Variants in NLGN4Y observed in about 807,000 individuals in gnomAD.
NLGN4Y encodes the protein neuroligin-4, Y-linked.
A neutral mutation model predicts 8.4 loss-of-function variants in NLGN4Y; 4 were observed. The observed-to-expected ratio is 0.48, with a 90% CI of 0.23 to 1.09. The LOEUF (loss-of-function observed/expected upper bound fraction) is 1.09. NLGN4Y is among the 50% of genes least tolerant of loss of function. NLGN4Y has a pLI of 0.19. For missense variants in NLGN4Y, 90 were observed against 192.3 expected, an observed-to-expected ratio of 0.47 and a Z score of 3.15; for synonymous variants, 35 against 75.6, an observed-to-expected ratio of 0.46 and a Z score of 2.78.
chrY:14,673,669 C>T, intron 2 of NLGN4Y, among the ~76,000 whole-genome samples: 1 of 33,346 alleles, frequency 3.0e-5, no homozygotes, highest in Non-Finnish European at 7.4e-5. Flanking sequence ...CCCAGCCATC[C>T]CATTACTGGG....
At chrY:14,660,993 T>C (rs1603502266) in intron 2 of NLGN4Y, among the ~76,000 whole-genome samples, 2 of 33,630 alleles carry the variant, frequency 5.9e-5, no homozygotes, top group East Asian at 1.6e-3. Context: ...CCTTGTTTAT[T>C]GCAAATATCA....
In NLGN4Y at chrY:14,844,876, G is replaced by A; in HGVS notation, c.*3614G>A. On this transcript the variant is annotated 3_prime_UTR_variant, in exon 7 of 7. Transcript: ENST00000684976. ...TGTATAGAGTCACAGACTGCATAAT[G>A]TTTTGGACAAATATAGATCACATAT... The A allele has an allele frequency of 5.9e-5, 2 of 33,763 alleles. No homozygotes were observed. The highest frequency in any genetic ancestry group is 2.3e-4 in the African/African-American group (2 of 8,753). The allele number at this position is 33,763 out of a possible 400,897, so 8.4% of individuals were successfully genotyped here.
chrY:14,742,985 G>A (rs1020245516), intron 4 of NLGN4Y, among the ~76,000 whole-genome samples: 2 of 32,264 alleles, frequency 6.2e-5, no homozygotes, highest in Non-Finnish European at 7.5e-5. Flanking sequence ...CCCAAAAAAA[G>A]TAGAAACTAA....
intron 1 of NLGN4Y, among the ~76,000 whole-genome samples, chrY:14,540,554 C>T (rs751034699): frequency 1.5e-4 from 5 of 33,477 alleles, no homozygotes; most frequent in East Asian, 1.6e-3. Context: ...CGGGGGCCAA[C>T]GGACACCTCA....
chrY:14,582,890 G>A, intron 1 of NLGN4Y, among the ~76,000 whole-genome samples: 3 of 34,003 alleles, frequency 8.8e-5, no homozygotes, highest in Non-Finnish European at 1.5e-4. Flanking sequence ...AGTCTATGAC[G>A]CTTTAGTATT....
chrY:14,546,846 T>C (rs1051850784), intron 1 of NLGN4Y, among the ~76,000 whole-genome samples: 1 of 33,489 alleles, frequency 3.0e-5, no homozygotes, highest in Admixed American at 2.7e-4. Context: ...GGCATCCCAG[T>C]CTTGTGCCAG....
chrY:14,621,697 G>A lies in NLGN4Y; in HGVS notation c.-111-312G>A, dbSNP rs369827200. Among the ~76,000 whole-genome samples the A allele has an allele frequency of 4.9e-3, 163 of 33,148 alleles. No homozygotes were observed. In the South Asian group the frequency reaches 0.076, roughly 15 times the overall value. The allele number at this position is 33,148 out of a possible 37,273, so 88.9% of individuals were successfully genotyped here. A position where few individuals can be genotyped will look rare whatever the true frequency, so the allele number is the denominator to read the frequency against. On this transcript the variant is annotated intron_variant, in intron 1 of 6. Transcript: ENST00000684976. ...ATACTGGTGCATGCTTGTAGTCCCAGCTACTCGGGAGGCTGAGGTGGGAGG... is the reference window on the plus strand; with the variant it reads ...ATACTGGTGCATGCTTGTAGTCCCAACTACTCGGGAGGCTGAGGTGGGAGG...
At chrY:14,642,901 T>C in intron 2 of NLGN4Y, among the ~76,000 whole-genome samples, 1 of 33,663 alleles carries the variant, frequency 3.0e-5, no homozygotes, top group African/African-American at 1.2e-4. Context: ...GTACATTTAA[T>C]TTAGAAAATA....
chrY:14,837,235 T>C (rs1431741816), intron 6 of NLGN4Y, among the ~76,000 whole-genome samples: 4 of 33,754 alleles, frequency 1.2e-4, no homozygotes, highest in Admixed American at 2.7e-4. Flanking sequence ...ACTGAATGTA[T>C]AATAAACTAG....
At chrY:14,715,175 G>T (rs2080911580) in intron 2 of NLGN4Y, among the ~76,000 whole-genome samples, 1 of 33,481 alleles carries the variant, frequency 3.0e-5, no homozygotes, top group African/African-American at 1.2e-4. Context: ...TACACTGTTG[G>T]TGGGAGTGTA....
chrY:14,761,450 TG>T (rs2081079143), intron 4 of NLGN4Y, among the ~76,000 whole-genome samples: 1 of 33,869 alleles, frequency 3.0e-5, no homozygotes, highest in East Asian at 7.9e-4. Context: ...TTCCTAGAGT[TG>T]GGTCTCCAAA....
intron 1 of NLGN4Y, among the ~76,000 whole-genome samples, chrY:14,562,483 A>G (rs1048846422): frequency 6.0e-5 from 2 of 33,393 alleles, no homozygotes; most frequent in Non-Finnish European, 7.4e-5. Context: ...GTCAGTTAGC[A>G]TGATGCCTCT....
chrY:14,821,055 AG>A (rs2043120619), intron 4 of NLGN4Y, among the ~76,000 whole-genome samples: 2 of 33,876 alleles, frequency 5.9e-5, no homozygotes, highest in South Asian at 6.8e-4. Flanking sequence ...ACTGGTCAAC[AG>A]GTGCCTGGTA....
chrY:14,526,078 A>G, intron 1 of NLGN4Y, among the ~76,000 whole-genome samples: 5 of 33,755 alleles, frequency 1.5e-4, no homozygotes, highest in Admixed American at 8.0e-4. Context: ...AGAAACTACA[A>G]GAGACCTGAT....
At chrY:14,711,319 T>A in intron 2 of NLGN4Y, among the ~76,000 whole-genome samples, 1 of 32,550 alleles carries the variant, frequency 3.1e-5, no homozygotes. Flanking sequence ...ATCATTATAT[T>A]TTTTTTTCTT....
intron 1 of NLGN4Y, among the ~76,000 whole-genome samples, chrY:14,552,390 C>T (rs2080196282): frequency 3.0e-5 from 1 of 33,719 alleles, no homozygotes; most frequent in Admixed American, 2.7e-4. Context: ...CTATTCACAA[C>T]AACAGAAAAA....
chrY:14,641,910 G>A, intron 2 of NLGN4Y, among the ~76,000 whole-genome samples: 1 of 33,524 alleles, frequency 3.0e-5, no homozygotes, highest in African/African-American at 1.2e-4. Flanking sequence ...GGAGGAAATA[G>A]GATTTCCTTC....
chrY:14,623,329 G>A, intron 2 of NLGN4Y, among the ~76,000 whole-genome samples: 1 of 33,970 alleles, frequency 2.9e-5, no homozygotes, highest in Non-Finnish European at 7.3e-5. Flanking sequence ...AACATGAATA[G>A]TTTTATGTCT....
intron 1 of NLGN4Y, among the ~76,000 whole-genome samples, chrY:14,581,177 TTTC>T (rs2080318530): frequency 3.0e-5 from 1 of 33,331 alleles, no homozygotes. Flanking sequence ...CACTTAGTCA[TTTC>T]TTTTTTATTA....
Sources: gnomAD v4.1 joint callset for allele counts (sites outside exome capture counted in the v4.1 genomes callset) on GRCh38, gnomAD v4.1.1 for gene constraint, MANE v1.5 for transcripts, NCBI Gene and HGNC (gene_info 2026-07-23, HGNC 2026-07-21) for gene names.